SPG7: variants seen among roughly 807,000 people sequenced by gnomAD.
The protein encoded by SPG7 is SPG7 matrix AAA peptidase subunit, paraplegin, also known as mitochondrial inner membrane m-AAA protease component paraplegin.
In SPG7, 103 loss-of-function variants were observed where a neutral mutation model predicts 81.9. That is an observed-to-expected ratio of 1.26 (90% CI 1.07 to 1.48). SPG7 has a LOEUF of 1.48. Ranked by LOEUF, SPG7 falls within the 40% of genes most tolerant of loss-of-function variation. SPG7 has a pLI of 0.00. For missense variants in SPG7, 1,241 were observed against 1,087.3 expected (o/e 1.14, Z -1.99); for synonymous variants, 534 against 444.2 (o/e 1.20, Z -2.54).
intron 1 of SPG7, among the ~76,000 whole-genome samples, chr16:89,509,752 TAGC>T (rs1296540727): frequency 6.6e-6 from 1 of 151,524 alleles, no homozygotes; most frequent in Non-Finnish European, 1.5e-5. Flanking sequence ...GGCCATGGGA[TAGC>T]AGCCAATGTA....
chr16:89,526,518 G>A, intron 5 of SPG7, 50 bp downstream of exon 5: 2 of 1,609,348 alleles, frequency 1.2e-6, no homozygotes, highest in Non-Finnish European at 1.7e-6. Context: ...ACTTGGCTTT[G>A]TAATCTGAGA....
chr16:89,529,340 A>G, intron 5 of SPG7, 137 bp from the exon 6 acceptor site: 1 of 698,478 alleles, frequency 1.4e-6, no homozygotes, highest in Non-Finnish European at 2.6e-6. Flanking sequence ...CAACCATTTT[A>G]ATCTGCGCAT....
intron 9 of SPG7, chr16:89,544,007 T>C (rs2058532902): frequency 6.1e-6 from 1 of 162,978 alleles, no homozygotes; most frequent in African/African-American, 2.4e-5. Flanking sequence ...AGTACGTTTC[T>C]TTAAATTCAG....
At chr16:89,520,121 C>G (rs948112753) in intron 3 of SPG7, 1 of 152,532 alleles carries the variant, frequency 6.6e-6, no homozygotes, top group South Asian at 2.0e-4. Flanking sequence ...TGAGGTCACA[C>G]CCCAGTTCTG....
intron 10 of SPG7, chr16:89,545,377 C>T: frequency 5.0e-6 from 1 of 201,238 alleles, no homozygotes; most frequent in Admixed American, 5.3e-5. Context: ...GAGAGGGCCT[C>T]CGGGTCTGCT....
rs2058694155 is a variant in SPG7, at chr16:89,557,020, A to T, written c.2315A>T (p.Asp772Val). The change falls in exon 17 of 17, where the codon GAC becomes GTC. Residue 772 changes from aspartate (D) to valine (V), a missense_variant. Transcript: ENST00000645818. The stretch of plus-strand genomic sequence containing the variant: ...ATCGACGCCCAGAGGGAGAAACAGG[A>T]CTTGGGCGAGGAGGAGACCGAAGAG... ...RWIDAQREKQ[D>V]LGEEETEETQ... 6.2e-7 allele frequency: 1 copy of T among 1,613,330 alleles called. No individual in the cohort carries two copies. Among genetic ancestry groups the T allele is most frequent in the African/African-American group, 1.3e-5 (1 of 74,896 alleles).
At chr16:89,528,459 C>A (rs1023467387) in intron 5 of SPG7, among the ~76,000 whole-genome samples, 1 of 149,712 alleles carries the variant, frequency 6.7e-6, no homozygotes, top group African/African-American at 2.5e-5. Flanking sequence ...TCTTCGTAGG[C>A]CGATGATGTA....
chr16:89,529,326 T>C, intron 5 of SPG7, 151 bp from the exon 6 acceptor site: 1 of 681,620 alleles, frequency 1.5e-6, no homozygotes, highest in Non-Finnish European at 2.7e-6. Flanking sequence ...AGAACCCATT[T>C]CCACAACCAT....
At position 89,510,190 on chromosome 16, in the gene SPG7, G is replaced by C. The variant is rs146032762; in HGVS notation, c.184-300G>C. On this transcript the variant is annotated intron_variant, in intron 1 of 16. Transcript: ENST00000645818. ...AGGTTTCACCATGTTGGCCAGGCTGGTCTCAAACTCCTGACTTCATGTGAT... is the reference window on the plus strand; with the variant it reads ...AGGTTTCACCATGTTGGCCAGGCTGCTCTCAAACTCCTGACTTCATGTGAT... 0.019 allele frequency among the ~76,000 whole-genome samples: 2,863 copies of C among 151,488 alleles called. 41 individuals are homozygous for C. The highest frequency in any genetic ancestry group is 0.032 in the Non-Finnish European group (2,139 of 67,898).
At chr16:89,556,820 TC>T (rs1414100783) in intron 16 of SPG7, 66 bp from the exon 17 acceptor site, 13 of 1,304,878 alleles carry the variant, frequency 1.0e-5, no homozygotes, top group Non-Finnish European at 1.2e-5. Flanking sequence ...TCTTGCCACC[TC>T]CCCAGGACAT....
chr16:89,518,472 A>G (rs148296872), intron 3 of SPG7: 1 of 152,260 alleles, frequency 6.6e-6, no homozygotes, highest in East Asian at 1.9e-4. Context: ...GTGAACCTGG[A>G]AGGAATTACA....
In SPG7 at chr16:89,512,563, G is replaced by T. The variant is rs146110821; in HGVS notation, c.287-385G>T. Among the ~76,000 whole-genome samples the T allele has an allele frequency of 1.3e-3, 194 of 152,170 alleles. 1 individual carries two copies. The highest frequency in any genetic ancestry group is 4.5e-3 in the African/African-American group (186 of 41,518). The stretch of plus-strand genomic sequence containing the variant: ...CCTGACCTCGTGAACCACCTGCCTC[G>T]GTCTCCCAAAGTGCTGGGATTACAG... On this transcript the variant is annotated intron_variant, in intron 2 of 16. Transcript: ENST00000645818.
intron 16 of SPG7, chr16:89,556,546 C>T (rs897250204): frequency 7.8e-6 from 3 of 384,182 alleles, no homozygotes; most frequent in African/African-American, 2.1e-5. Context: ...CCCAGTGCTG[C>T]TCTCCTCAAT....
chr16:89,540,798 G>A, intron 9 of SPG7: 1 of 692,424 alleles, frequency 1.4e-6, no homozygotes, highest in Non-Finnish European at 1.8e-6. Flanking sequence ...CCACCCTCCT[G>A]GGTGCTCATC....
Position 89,534,569 on chromosome 16 carries a change from G to T in SPG7, c.1324+1933G>T, listed in dbSNP as rs183674646. Among the ~76,000 whole-genome samples the T allele has an allele frequency of 1.7e-3, 262 of 152,342 alleles. 1 individual carries two copies. The highest frequency in any genetic ancestry group is 6.1e-3 in the African/African-American group (254 of 41,578). ...CAAGTGTTCTGGCTCCGAGAGAGCC[G>T]TTGACTTCCTGTTTTCTTTGTTGCC... is the stretch of plus-strand genomic sequence containing the variant. On this transcript the variant is annotated intron_variant, in intron 9 of 16. Transcript: ENST00000645818.
intron 9 of SPG7, chr16:89,537,519 A>C: frequency 1.0e-6 from 1 of 991,636 alleles, no homozygotes; most frequent in Admixed American, 5.8e-5. Flanking sequence ...GCTGCTGTGA[A>C]CATTTTATGC....
Position 89,550,557 on chromosome 16 carries a change from C to T in SPG7, c.1727C>T (p.Ser576Leu), listed in dbSNP as rs151249432. The change falls in exon 13 of 17, where the codon TCG (serine) becomes TTG (leucine). Residue 576 changes from serine to leucine, a missense_variant. Ser to Leu is a moderately radical substitution (Grantham distance 145). Transcript: ENST00000645818. ...EEQKVVAFHE[S>L]GHALVGWMLE... Reference sequence around the variant, plus strand: ...CAGAAAGTGGTTGCGTTTCATGAGTCGGGCCACGCCTTGGTGGGCTGGATG... The same window carrying T: ...CAGAAAGTGGTTGCGTTTCATGAGTTGGGCCACGCCTTGGTGGGCTGGATG... 35 of 1,613,884 alleles carry T rather than the reference C, an allele frequency of 2.2e-5. 1 individual carries two copies. The African/African-American group carries it at 3.6e-4, about 17-fold the overall frequency.
chr16:89,546,997 G>A (rs988237920), intron 11 of SPG7: 27 of 520,838 alleles, frequency 5.2e-5, no homozygotes, highest in Non-Finnish European at 8.5e-5. Flanking sequence ...TTCCCGGTCT[G>A]TGTTGTTTCC....
In SPG7 at chr16:89,545,658, C is replaced by A. The variant is rs1397389114; in HGVS notation, c.1449+886C>A. The A allele has an allele frequency of 7.6e-6, 2 of 263,548 alleles. 1 individual carries two copies. The highest frequency in any genetic ancestry group is 3.1e-4 in the East Asian group (2 of 6,410). 16.3% of individuals were successfully genotyped at this position (263,548 alleles called of 1,614,324 possible). A position where few individuals can be genotyped will look rare whatever the true frequency, so the allele number is the denominator to read the frequency against. ...GGGATGGCAGCTTCTCCAGGGGACA[C>A]GGCTTCTCCAGGGGAGGGCAGCTTC... is the stretch of plus-strand genomic sequence containing the variant. On this transcript the variant is annotated intron_variant, in intron 10 of 16. Transcript: ENST00000645818.
Sources: allele counts gnomAD v4.1 joint callset (sites outside exome capture counted in the v4.1 genomes callset), GRCh38; gene constraint gnomAD v4.1.1; transcripts MANE v1.5; gene names NCBI Gene and HGNC (gene_info 2026-07-23, HGNC 2026-07-21).